Variants in IL1RAPL1 observed in about 807,000 individuals in gnomAD.
IL1RAPL1 encodes the protein interleukin-1 receptor accessory protein-like 1.
Under a neutral mutation model 48.4 loss-of-function variants are expected in IL1RAPL1, and 3 were observed. The observed-to-expected ratio is 0.06, with a 90% CI of 0.03 to 0.16. IL1RAPL1 has a LOEUF of 0.16. Among genes scored for constraint, IL1RAPL1 ranks in the 10% least tolerant of loss-of-function variants. IL1RAPL1 has a pLI of 1.00. For missense variants in IL1RAPL1, 349 were observed against 530.6 expected, an observed-to-expected ratio of 0.66 and a Z score of 3.36; for synonymous variants, 185 against 187.7, an observed-to-expected ratio of 0.99 and a Z score of 0.12.
At chrX:29,234,104 C>T (rs1241984920) in intron 2 of IL1RAPL1, among the ~76,000 whole-genome samples, 2 of 112,224 alleles carry the variant, frequency 1.8e-5, no homozygotes, top group African/African-American at 6.5e-5. Context: ...CTCAATACTG[C>T]TTCGTGAGAC....
At chrX:29,254,861 A>G (rs1931726953) in intron 2 of IL1RAPL1, among the ~76,000 whole-genome samples, 1 of 111,969 alleles carries the variant, frequency 8.9e-6, no homozygotes, top group Non-Finnish European at 1.9e-5. Flanking sequence ...GTAAAAGTGT[A>G]TCTGTTGATA....
At chrX:28,866,892 T>G (rs1482405069) in intron 2 of IL1RAPL1, among the ~76,000 whole-genome samples, 1 of 111,818 alleles carries the variant, frequency 8.9e-6, no homozygotes, top group East Asian at 2.8e-4. Context: ...TTAGGGAATT[T>G]TTTACATGTC....
At chrX:29,039,761 G>C (rs1926803299) in intron 2 of IL1RAPL1, among the ~76,000 whole-genome samples, 1 of 88,153 alleles carries the variant, frequency 1.1e-5, no homozygotes, top group Non-Finnish European at 2.1e-5. Context: ...TAGATTTAGA[G>C]GAAGTCCAAG....
intron 2 of IL1RAPL1, among the ~76,000 whole-genome samples, chrX:29,175,012 T>C (rs1929982312): frequency 9.8e-6 from 1 of 102,432 alleles, no homozygotes; most frequent in Non-Finnish European, 2.0e-5. Context: ...AGGCGGAGCT[T>C]GCAGTGAGCT....
At chrX:29,308,388 A>G (rs745634302) in intron 3 of IL1RAPL1, among the ~76,000 whole-genome samples, 40 of 111,698 alleles carry the variant, frequency 3.6e-4, no homozygotes, top group Non-Finnish European at 6.2e-4. Context: ...CCCTGAACCA[A>G]TCACGGTGGC....
chrX:29,498,829 G>A (rs1267212976), intron 5 of IL1RAPL1, among the ~76,000 whole-genome samples: 2 of 111,476 alleles, frequency 1.8e-5, no homozygotes, highest in Non-Finnish European at 3.8e-5. Flanking sequence ...ATATGCCTAG[G>A]TTACATATTT....
chrX:28,606,692 T>A (rs1376953869), intron 1 of IL1RAPL1, among the ~76,000 whole-genome samples: 1 of 111,963 alleles, frequency 8.9e-6, no homozygotes, highest in Non-Finnish European at 1.9e-5. Context: ...CTAATAAGGA[T>A]AATTTTTAAA....
Position 29,789,225 on chromosome X carries a change from A to T in IL1RAPL1, c.778+120721A>T, listed in dbSNP as rs890064005. ...GTGCGTGTGTTAGCTTTGAAAAAAT[A>T]CATTCACATGAGATTTAATTCACCT... On this transcript the variant is annotated intron_variant, in intron 6 of 10. Coordinates refer to ENST00000378993, the MANE Select transcript of IL1RAPL1 (RefSeq NM_014271.4). Among the ~76,000 whole-genome samples, 10 of 112,308 alleles carry T rather than the reference A, an allele frequency of 8.9e-5. No homozygotes were observed. In the South Asian group the frequency reaches 1.5e-3, roughly 17 times the overall value.
At chrX:29,944,277 G>T (rs1005906710) in intron 9 of IL1RAPL1, among the ~76,000 whole-genome samples, 1 of 111,265 alleles carries the variant, frequency 9.0e-6, no homozygotes, top group Admixed American at 9.6e-5. Flanking sequence ...TACTAGAACC[G>T]CAATCACATG....
intron 2 of IL1RAPL1, among the ~76,000 whole-genome samples, chrX:29,067,128 T>A (rs1927467647): frequency 9.0e-6 from 1 of 111,585 alleles, no homozygotes; most frequent in Non-Finnish European, 1.9e-5. Context: ...TTGTCAGTAA[T>A]TATTGTTGTT....
At chrX:28,921,804 C>G (rs1923622399) in intron 2 of IL1RAPL1, among the ~76,000 whole-genome samples, 1 of 112,172 alleles carries the variant, frequency 8.9e-6, no homozygotes, top group African/African-American at 3.2e-5. Context: ...CATGGCACTG[C>G]TGGAAAGAGG....
chrX:29,189,669 CT>C (rs1930316458), intron 2 of IL1RAPL1, among the ~76,000 whole-genome samples: 1 of 111,398 alleles, frequency 9.0e-6, no homozygotes, highest in Non-Finnish European at 1.9e-5. Flanking sequence ...TCCTACCCAA[CT>C]TTTTCCTAAA....
chrX:28,915,606 G>T (rs936784324), intron 2 of IL1RAPL1, among the ~76,000 whole-genome samples: 1 of 111,498 alleles, frequency 9.0e-6, no homozygotes, highest in Non-Finnish European at 1.9e-5. Flanking sequence ...TGATAGATTA[G>T]GTAGCTCAGG....
intron 2 of IL1RAPL1, among the ~76,000 whole-genome samples, chrX:28,805,811 C>T (rs1047293414): frequency 3.6e-5 from 4 of 110,123 alleles, no homozygotes; most frequent in African/African-American, 6.6e-5. Context: ...AGTATAAGCT[C>T]GTTGAGTATA....
intron 5 of IL1RAPL1, among the ~76,000 whole-genome samples, chrX:29,655,685 C>T (rs1212345089): frequency 2.8e-5 from 3 of 105,853 alleles, no homozygotes; most frequent in Admixed American, 1.0e-4. Context: ...AGCAAACTAC[C>T]GAAATAGAAA....
chrX:29,837,294 T>TACAC (rs1435991693), intron 6 of IL1RAPL1, among the ~76,000 whole-genome samples: 25 of 74,883 alleles, frequency 3.3e-4, no homozygotes, highest in African/African-American at 1.5e-3. Context: ...TATATATATA[T>TACAC]ATATATACAC....
chrX:29,839,788 G>A (rs185999026), intron 6 of IL1RAPL1, among the ~76,000 whole-genome samples: 4,674 of 111,106 alleles, frequency 0.042, 232 homozygotes, highest in African/African-American at 0.14. Flanking sequence ...CAAACATGGC[G>A]GTGCTGCCTG....
At chrX:29,881,132 A>T (rs1932021238) in intron 6 of IL1RAPL1, among the ~76,000 whole-genome samples, 1 of 110,660 alleles carries the variant, frequency 9.0e-6, no homozygotes, top group Non-Finnish European at 1.9e-5. Flanking sequence ...GGTACCTATG[A>T]CCTGGAGTGT....
At chrX:29,175,093 A>G (rs1170024984) in intron 2 of IL1RAPL1, among the ~76,000 whole-genome samples, 5 of 104,594 alleles carry the variant, frequency 4.8e-5, no homozygotes, top group African/African-American at 1.0e-4. Context: ...AAAAAAAAAA[A>G]AGAGAAAAAT....
Sources: gnomAD v4.1 joint callset for allele counts (sites outside exome capture counted in the v4.1 genomes callset) on GRCh38, gnomAD v4.1.1 for gene constraint, MANE v1.5 for transcripts, NCBI Gene and HGNC (gene_info 2026-07-23, HGNC 2026-07-21) for gene names.